Variants in KDM5C observed in about 807,000 individuals in gnomAD.
KDM5C encodes the protein lysine-specific demethylase 5C.
Under a neutral mutation model 110.6 loss-of-function variants are expected in KDM5C, and 16 were observed. The ratio of observed to expected loss-of-function variants is 0.14; its 90% CI spans 0.10 to 0.22. KDM5C has a LOEUF of 0.22. Among genes scored for constraint, KDM5C ranks in the 10% least tolerant of loss-of-function variants. KDM5C has a pLI of 1.00. For missense variants in KDM5C, 681 were observed against 1,300.9 expected (o/e 0.52, Z 7.33); for synonymous variants, 511 against 520.4 (o/e 0.98, Z 0.24).
intron 1 of KDM5C, among the ~76,000 whole-genome samples, chrX:53,222,118 G>A (rs782081852): frequency 9.0e-6 from 1 of 110,819 alleles, no homozygotes; most frequent in Non-Finnish European, 1.9e-5. Flanking sequence ...AAGAACCCAC[G>A]TCTTCTGACC....
At chrX:53,218,492 C>T in intron 2 of KDM5C, 94 bp from the exon 3 acceptor site, 1 of 1,009,214 alleles carries the variant, frequency 9.9e-7, no homozygotes. Flanking sequence ...GAATACAGCA[C>T]TCCACACTTT....
intron 7 of KDM5C, 49 bp from the exon 8 acceptor site, chrX:53,214,896 T>TGC: frequency 1.7e-6 from 2 of 1,184,768 alleles, no homozygotes; most frequent in Non-Finnish European, 2.3e-6. Context: ...CCACTGTGTT[T>TGC]GCTGGCTGAA....
Position 53,192,671 on chromosome X carries a change from A to G in KDM5C, c.*296T>C. Reference sequence around the variant, plus strand: ...CTTGTCTCTGGAATGGTGATGGCCCAGCCCCAGCCACCCCCCTGCCCACCA... The same window carrying G: ...CTTGTCTCTGGAATGGTGATGGCCCGGCCCCAGCCACCCCCCTGCCCACCA... On this transcript the variant is annotated 3_prime_UTR_variant, in exon 26 of 26. Coordinates refer to ENST00000375401, the MANE Select transcript of KDM5C (RefSeq NM_004187.5). The G allele has an allele frequency of 1.1e-6, 1 of 885,380 alleles. No individual in the cohort carries two copies. Among genetic ancestry groups the G allele is most frequent in the Non-Finnish European group, 1.6e-6 (1 of 625,767 alleles). 73.0% of individuals were successfully genotyped at this position (885,380 alleles called of 1,213,427 possible).
rs781881375 is a variant in KDM5C at position 53,224,733 on chromosome X, G to A, written c.150+7C>T. The A allele has an allele frequency of 8.3e-7, 1 of 1,211,534 alleles. No homozygotes were observed. Among genetic ancestry groups the A allele is most frequent in the South Asian group, 1.8e-5 (1 of 56,979 alleles). Reference sequence around the variant, plus strand: ...CGCCGCCGGCGAAAACCGGCCCCGGGGCTTACCGCGGGTGGGCGGATCTTG... The same window carrying A: ...CGCCGCCGGCGAAAACCGGCCCCGGAGCTTACCGCGGGTGGGCGGATCTTG... On this transcript the variant is annotated splice_region_variant and intron_variant, in intron 1 of 25. Transcript: ENST00000375401.
chrX:53,210,900 T>C (rs782469387), intron 10 of KDM5C, 43 bp from the exon 11 acceptor site: 46 of 1,124,521 alleles, frequency 4.1e-5, no homozygotes, highest in Non-Finnish European at 5.4e-5. Context: ...AGGGTTATGC[T>C]AAGGAACTGA....
At position 53,201,990 on chromosome X, in the gene KDM5C, G is replaced by C. The variant is rs2073154950; in HGVS notation, c.1747-17C>G. ...GCGGACAACCTGAAGAACACAAAAG[G>C]CCATGGCTGTTGAGATAGAGATTTT... On this transcript the variant is annotated splice_polypyrimidine_tract_variant and intron_variant, in intron 12 of 25. Coordinates refer to ENST00000375401, the MANE Select transcript of KDM5C (RefSeq NM_004187.5). 2 of 1,209,527 alleles carry C rather than the reference G, an allele frequency of 1.7e-6. No homozygotes were observed. Among genetic ancestry groups the C allele is most frequent in the South Asian group, 1.8e-5 (1 of 56,853 alleles).
chrX:53,194,110 G>A (rs1556833650), intron 23 of KDM5C, 29 bp downstream of exon 23: 2 of 1,182,525 alleles, frequency 1.7e-6, no homozygotes, highest in Admixed American at 4.9e-5. Flanking sequence ...ACAAGAATCT[G>A]AGGACAAGAG....
In KDM5C at chrX:53,214,249, C is replaced by T. The variant is rs782351481; in HGVS notation, c.1122+440G>A. On this transcript the variant is annotated intron_variant, in intron 8 of 25. Coordinates refer to ENST00000375401, the MANE Select transcript of KDM5C (RefSeq NM_004187.5). Reference sequence around the variant, plus strand: ...CTAGGATTACAGGCGTGAGCCACCGCGCCCGGCCTCAAACTTTCTAAAAAA... The same window carrying T: ...CTAGGATTACAGGCGTGAGCCACCGTGCCCGGCCTCAAACTTTCTAAAAAA... The T allele has an allele frequency of 6.8e-4, 85 of 124,861 alleles. 1 individual carries two copies. Among genetic ancestry groups the T allele is most frequent in the South Asian group, 3.4e-3 (13 of 3,812 alleles). The allele number at this position is 124,861 out of a possible 1,213,427, so 10.3% of individuals were successfully genotyped here. A position where few individuals can be genotyped will look rare whatever the true frequency, so the allele number is the denominator to read the frequency against.
Position 53,198,764 on chromosome X carries a change from T to C in KDM5C, c.2368A>G (p.Ser790Gly). The change falls in exon 16 of 26, where the codon AGC (serine) becomes GGC (glycine). Residue 790 changes from serine (S) to glycine (G), a missense_variant and splice_region_variant. Coordinates refer to ENST00000375401, the MANE Select transcript of KDM5C (RefSeq NM_004187.5). ...ALEVEDGRKR[S>G]LEELRALESE... ...TCCCTCCATCCCCCCCATCACTCAC[T>C]GCGCTTCCGCCCATCCTCCACCTCC... The C allele has an allele frequency of 8.2e-7, 1 of 1,212,269 alleles. No homozygotes were observed. Among genetic ancestry groups the C allele is most frequent in the Non-Finnish European group, 1.1e-6 (1 of 895,596 alleles).
At chrX:53,199,849 T>C (rs781944253) in intron 14 of KDM5C, among the ~76,000 whole-genome samples, 1 of 111,749 alleles carries the variant, frequency 8.9e-6, no homozygotes, top group African/African-American at 3.3e-5. Context: ...GGGATTTTAA[T>C]GGGAAATGTC....
Position 53,194,296 on chromosome X carries a change from T to C in KDM5C, c.3881A>G (p.Gln1294Arg), listed in dbSNP as rs782320563. 6 of 1,211,272 alleles carry C rather than the reference T, an allele frequency of 5.0e-6. No homozygotes were observed. Among genetic ancestry groups the C allele is most frequent in the Non-Finnish European group, 5.6e-6 (5 of 895,300 alleles). The stretch of plus-strand genomic sequence containing the variant: ...AGTCACATCTTCAGAGGCCAGAGCC[T>C]GCCTGGCGCGGCCTTGCCAGCTGAT... ...RAISWQGRAR[Q>R]ALASEDVTAL... The change falls in exon 23 of 26, where the codon CAG (glutamine) becomes CGG (arginine). Residue 1294 changes from glutamine to arginine, a missense_variant. Gln to Arg is a conservative substitution (Grantham distance 43). This residue lies in a region of KDM5C where 12 missense variants were observed against 54.5 expected (regional missense o/e 0.22). Coordinates refer to ENST00000375401, the MANE Select transcript of KDM5C (RefSeq NM_004187.5).
downstream of KDM5C, among the ~76,000 whole-genome samples, chrX:53,190,301 G>A (rs1268486219): frequency 8.9e-6 from 1 of 112,821 alleles, no homozygotes; most frequent in Non-Finnish European, 1.9e-5. Flanking sequence ...CTGCTGTGAA[G>A]GAGTGTGTGA....
Position 53,195,910 on chromosome X carries a change from C to G in KDM5C, c.3120+6G>C, listed in dbSNP as rs2146832056. 4.1e-6 allele frequency: 5 copies of G among 1,204,826 alleles called. No homozygotes were observed. The highest frequency in any genetic ancestry group is 4.5e-6 in the Non-Finnish European group (4 of 891,990). Reference sequence around the variant, plus strand: ...AGGCCTGGGGTGGGAGTGGCAGGGTCCTCACTTGGATCTCATCAACATCAG... The same window carrying G: ...AGGCCTGGGGTGGGAGTGGCAGGGTGCTCACTTGGATCTCATCAACATCAG... On this transcript the variant is annotated splice_donor_region_variant and intron_variant, in intron 20 of 25. Transcript: ENST00000375401.
chrX:53,177,505 G>A (rs1933915347), intron 25 of KDM5C, among the ~76,000 whole-genome samples: 1 of 112,551 alleles, frequency 8.9e-6, no homozygotes, highest in African/African-American at 3.2e-5. Context: ...AATTGTGTTA[G>A]GTGTACTAAT....
chrX:53,213,879 GA>G (rs200275564), intron 8 of KDM5C, among the ~76,000 whole-genome samples: 2,903 of 110,803 alleles, frequency 0.026, 32 homozygotes, highest in Middle Eastern at 0.047. Flanking sequence ...AAAAAGATGA[GA>G]AAAAAATATA....
In KDM5C at chrX:53,196,080, T is replaced by G. The variant is rs183339691; in HGVS notation, c.2982-26A>C. On this transcript the variant is annotated intron_variant, in intron 19 of 25. Transcript: ENST00000375401. ...CTAAAGGTAAGGAAAAAAAGAACGC[T>G]CAGTCTGATGTGGTCTGCCTGACCA... The G allele has an allele frequency of 1.9e-4, 232 of 1,208,282 alleles. No homozygotes were observed. In the Admixed American group the frequency reaches 4.9e-3, roughly 26 times the overall value.
Position 53,192,869 on chromosome X carries a change from A to ACACCCCCC in KDM5C, c.*97_*98insGGGGGGTG. ...GGGTAGCAGGGATGGCCACCCCCCT[A>ACACCCCCC]CCCGCCCACCCCCCAAGAAGCAGGC... On this transcript the variant is annotated 3_prime_UTR_variant, in exon 26 of 26. Transcript: ENST00000375401. 5.6e-6 allele frequency: 1 copy of ACACCCCCC among 179,887 alleles called. No individual in the cohort carries two copies. Among genetic ancestry groups the ACACCCCCC allele is most frequent in the Non-Finnish European group, 8.9e-6 (1 of 112,554 alleles). 14.8% of individuals were successfully genotyped at this position (179,887 alleles called of 1,213,427 possible).
chrX:53,214,123 T>C (rs1556850428), intron 8 of KDM5C: 1 of 109,829 alleles, frequency 9.1e-6, no homozygotes, highest in Admixed American at 9.6e-5. Flanking sequence ...CCTGGCTAAT[T>C]TTTGTATCTT....
Position 53,195,335 on chromosome X carries a change from C to T in KDM5C, c.3196G>A (p.Glu1066Lys), listed in dbSNP as rs782316302. 1.7e-6 allele frequency: 2 copies of T among 1,206,791 alleles called. No individual in the cohort carries two copies. Among genetic ancestry groups the T allele is most frequent in the Non-Finnish European group, 2.2e-6 (2 of 892,695 alleles). ...AVGRDLPVGL[E>K]ELRQLELQVL... is the part of the protein sequence containing the mutation. ...TGTAGCTCTAGCTGTCTCAGCTCCT[C>T]CAGCCCCACAGGTAGGTCCCGGCCC... Residue 1066 changes from glutamate (E) to lysine (K), a missense_variant, in exon 21 of 26, where the codon GAG (glutamate) becomes AAG (lysine). Coordinates refer to ENST00000375401, the MANE Select transcript of KDM5C (RefSeq NM_004187.5).
Sources: allele counts gnomAD v4.1 joint callset (sites outside exome capture counted in the v4.1 genomes callset), GRCh38; gene constraint gnomAD v4.1.1; regional missense constraint gnomAD v4.1.1; transcripts MANE v1.5; gene names NCBI Gene and HGNC (gene_info 2026-07-23, HGNC 2026-07-21).